Variants in RAD54L2 observed in about 807,000 individuals in gnomAD.
RAD54L2 encodes the protein RAD54 like 2, also known as helicase ARIP4.
RAD54L2 carries 27 observed loss-of-function variants against 138.4 expected under a neutral mutation model. The observed-to-expected ratio is 0.20, with a 90% CI of 0.14 to 0.27. RAD54L2 has a LOEUF of 0.27. RAD54L2 is among the 10% of genes least tolerant of loss of function. The pLI is 1.00. For missense variants in RAD54L2, 1,396 were observed against 1,890.2 expected (o/e 0.74, Z 4.85); for synonymous variants, 644 against 723.2 (o/e 0.89, Z 1.76).
At chr3:51,659,110 T>TG (rs1262136577) in intron 21 of RAD54L2, among the ~76,000 whole-genome samples, 1 of 142,244 alleles carries the variant, frequency 7.0e-6, no homozygotes, top group Non-Finnish European at 1.5e-5. Flanking sequence ...TTTTTTTTTT[T>TG]TTTTTTTTTT....
intron 3 of RAD54L2, among the ~76,000 whole-genome samples, chr3:51,605,873 G>A (rs1025994329): frequency 2.0e-5 from 3 of 152,224 alleles, no homozygotes; most frequent in African/African-American, 7.2e-5. Flanking sequence ...GCACTGCAGT[G>A]TGGTAATGTT....
intron 2 of RAD54L2, among the ~76,000 whole-genome samples, chr3:51,550,370 C>T (rs921692736): frequency 6.6e-6 from 1 of 152,034 alleles, no homozygotes; most frequent in African/African-American, 2.4e-5. Context: ...ACCTTTTTTC[C>T]CTGGTTACAT....
At chr3:51,580,360 C>T (rs549888638) in intron 2 of RAD54L2, among the ~76,000 whole-genome samples, 8 of 152,184 alleles carry the variant, frequency 5.3e-5, no homozygotes, top group Non-Finnish European at 8.8e-5. Flanking sequence ...GAGTGTCACC[C>T]TCCCAGCACT....
At chr3:51,642,329 A>ACTT (rs959742310) in intron 15 of RAD54L2, among the ~76,000 whole-genome samples, 1 of 148,052 alleles carries the variant, frequency 6.8e-6, no homozygotes, top group African/African-American at 2.6e-5. Flanking sequence ...AAGGGGATGA[A>ACTT]CTTTTTTTTT....
intron 22 of RAD54L2, among the ~76,000 whole-genome samples, chr3:51,660,457 C>T (rs1417337970): frequency 3.4e-5 from 5 of 148,766 alleles, no homozygotes; most frequent in Non-Finnish European, 4.5e-5. Flanking sequence ...TACAGGCGCC[C>T]GCCACCACAC....
At chr3:51,629,752 A>G (rs901453589) in intron 5 of RAD54L2, among the ~76,000 whole-genome samples, 1 of 152,074 alleles carries the variant, frequency 6.6e-6, no homozygotes, top group African/African-American at 2.4e-5. Context: ...AATCCCAGCT[A>G]CTAGGAGGCT....
intron 19 of RAD54L2, 119 bp downstream of exon 19, chr3:51,646,600 G>A: frequency 9.2e-7 from 1 of 1,084,594 alleles, no homozygotes; most frequent in Non-Finnish European, 1.3e-6. Flanking sequence ...TGAATTGACA[G>A]GCTCTGCTCT....
chr3:51,643,586 A>C (rs1701197065), intron 15 of RAD54L2, among the ~76,000 whole-genome samples: 1 of 152,194 alleles, frequency 6.6e-6, no homozygotes, highest in Non-Finnish European at 1.5e-5. Context: ...CTAGGTGATT[A>C]CTATACATTC....
At chr3:51,586,623 C>T (rs920253216) in intron 2 of RAD54L2, among the ~76,000 whole-genome samples, 1 of 148,656 alleles carries the variant, frequency 6.7e-6, no homozygotes, top group Admixed American at 6.8e-5. Flanking sequence ...GGCTGGAGTG[C>T]AGTGGTGGGA....
intron 3 of RAD54L2, among the ~76,000 whole-genome samples, chr3:51,593,715 C>T (rs1480465763): frequency 6.6e-6 from 1 of 152,212 alleles, no homozygotes; most frequent in Non-Finnish European, 1.5e-5. Flanking sequence ...TTTACACAAG[C>T]ATGTGAACAA....
intron 19 of RAD54L2, among the ~76,000 whole-genome samples, chr3:51,648,965 C>T (rs1375285750): frequency 6.6e-6 from 1 of 152,082 alleles, no homozygotes; most frequent in African/African-American, 2.4e-5. Context: ...GACGAGTTGA[C>T]AGAAGCAGGC....
chr3:51,635,805 C>G lies in RAD54L2; in HGVS notation c.1339+16C>G, dbSNP rs925249081. 5.7e-6 allele frequency: 9 copies of G among 1,590,758 alleles called. No individual in the cohort carries two copies. The highest frequency in any genetic ancestry group is 7.7e-6 in the Non-Finnish European group (9 of 1,169,058). On this transcript the variant is annotated intron_variant, in intron 10 of 22. Transcript: ENST00000684192. ...TTTCGGAGAGGTGGGCAGCCTATCC[C>G]AGGAATACTCTTGTTGGTGTTTCAG... is the stretch of plus-strand genomic sequence containing the variant.
chr3:51,645,566 T>C lies in RAD54L2; in HGVS notation c.2657-25T>C, dbSNP rs745940928. The C allele has an allele frequency of 6.3e-7, 1 of 1,584,902 alleles. No homozygotes were observed. The highest frequency in any genetic ancestry group is 8.6e-7 in the Non-Finnish European group (1 of 1,165,982). ...ACAGTTTTTAATGCCATGTGCTGACTTTCTTCATGTCTTTATCCTTCTAGA... is the reference window on the plus strand; with the variant it reads ...ACAGTTTTTAATGCCATGTGCTGACCTTCTTCATGTCTTTATCCTTCTAGA... On this transcript the variant is annotated intron_variant, in intron 17 of 22. Coordinates refer to ENST00000684192, the MANE Select transcript of RAD54L2 (RefSeq NM_015106.4). This position sits in a 1 kb window ranked among gnomAD's most constrained non-coding sequence, Gnocchi z 6.1.
rs1275681813 is a variant in RAD54L2, at chr3:51,629,341, C to T, written c.349C>T (p.Leu117Phe). 1 of 1,587,594 alleles carries T rather than the reference C, an allele frequency of 6.3e-7. No homozygotes were observed. The highest frequency in any genetic ancestry group is 8.6e-7 in the Non-Finnish European group (1 of 1,166,718). Residue 117 changes from leucine to phenylalanine, a missense_variant, in exon 5 of 23, where the codon CTC (leucine) becomes TTC (phenylalanine). Leu to Phe is a conservative substitution (Grantham distance 22). Around this residue, in one of 7 missense-constraint regions of RAD54L2, gnomAD observed 256 missense variants for 344.6 expected, o/e 0.74. Coordinates refer to ENST00000684192, the MANE Select transcript of RAD54L2 (RefSeq NM_015106.4). The part of the protein sequence containing the change: ...SHMRRNIRKL[L>F]REDQLEPVTK... ...TCTTATGTGAATGTTTAGAAAGCTA[C>T]TCCGGGAGGATCAATTGGAGCCTGT...
chr3:51,646,539 T>TTG, intron 19 of RAD54L2, 58 bp downstream of exon 19: 1 of 1,430,250 alleles, frequency 7.0e-7, no homozygotes, highest in Non-Finnish European at 9.4e-7. Flanking sequence ...CCTTTCAACT[T>TTG]GTTCATATTT....
rs1028686857 is a variant in RAD54L2, at chr3:51,656,371, C to A, written c.3226+201C>A. Among the ~76,000 whole-genome samples the A allele has an allele frequency of 7.2e-5, 11 of 152,106 alleles. No homozygotes were observed. The South Asian group carries it at 2.1e-3, about 29-fold the overall frequency. On this transcript the variant is annotated intron_variant, in intron 20 of 22. Transcript: ENST00000684192. The stretch of plus-strand genomic sequence containing the variant: ...ATATCTTAAGAATAACAACACATAA[C>A]TGGGTTTTCTTGGGTTTGGTGGGTG...
chr3:51,629,097 G>A (rs2106794091), intron 4 of RAD54L2, among the ~76,000 whole-genome samples: 1 of 152,272 alleles, frequency 6.6e-6, no homozygotes, highest in South Asian at 2.1e-4. Context: ...TATGTGGAGA[G>A]ATGAGTTGGC....
intron 2 of RAD54L2, among the ~76,000 whole-genome samples, chr3:51,560,137 C>T (rs1440977313): frequency 4.0e-5 from 6 of 151,526 alleles, no homozygotes; most frequent in Non-Finnish European, 5.9e-5. Flanking sequence ...CATGATATAC[C>T]TATGGCCTCT....
chr3:51,662,539 A>G lies in RAD54L2; in HGVS notation c.3523A>G (p.Ile1175Val). ...ARPVSPDSPE[I>V]ISELQQYADV... Reference sequence around the variant, plus strand: ...GCCCGTCTCTCCTGACAGCCCAGAGATCATCAGTGAGCTTCAGCAGTATGC... The same window carrying G: ...GCCCGTCTCTCCTGACAGCCCAGAGGTCATCAGTGAGCTTCAGCAGTATGC... The change falls in exon 23 of 23, where the codon ATC (isoleucine) becomes GTC (valine). Residue 1175 changes from isoleucine to valine, a missense_variant. Physicochemically the swap from Ile to Val is conservative, Grantham distance 29 (BLOSUM62 3). Around this residue, in one of 7 missense-constraint regions of RAD54L2, gnomAD observed 634 missense variants for 711.2 expected, o/e 0.89. Coordinates refer to ENST00000684192, the MANE Select transcript of RAD54L2 (RefSeq NM_015106.4). This position sits in a 1 kb window ranked among gnomAD's most constrained non-coding sequence, Gnocchi z 4.6. 6.2e-7 allele frequency: 1 copy of G among 1,613,700 alleles called. No individual in the cohort carries two copies. The highest frequency in any genetic ancestry group is 8.5e-7 in the Non-Finnish European group (1 of 1,179,808).
Sources: gnomAD v4.1 joint callset for allele counts (sites outside exome capture counted in the v4.1 genomes callset) on GRCh38, gnomAD v4.1.1 for gene constraint, gnomAD v4.1.1 regional missense constraint, Gnocchi (gnomAD v3.1) non-coding constraint, MANE v1.5 for transcripts, NCBI Gene and HGNC (gene_info 2026-07-23, HGNC 2026-07-21) for gene names.